Variants in SLC38A9 observed in about 807,000 individuals in gnomAD.
The protein encoded by SLC38A9 is neutral amino acid transporter 9.
A neutral mutation model predicts 62.3 loss-of-function variants in SLC38A9; 48 were observed. That is an observed-to-expected ratio of 0.77 (90% CI 0.61 to 0.98). The LOEUF (loss-of-function observed/expected upper bound fraction) is 0.98, where lower values mean the gene tolerates loss of function less well. SLC38A9 is among the 50% of genes least tolerant of loss of function. The pLI, the probability that SLC38A9 is intolerant of heterozygous loss-of-function variation, is 0.00. For synonymous variants in SLC38A9, 204 were observed against 227.7 expected (o/e 0.90, Z 0.94); for missense variants, 541 against 679.8 (o/e 0.80, Z 2.27).
At chr5:55,686,030 T>C (rs1753760482) in intron 3 of SLC38A9, among the ~76,000 whole-genome samples, 2 of 152,250 alleles carry the variant, frequency 1.3e-5, no homozygotes, top group African/African-American at 4.8e-5. Context: ...CTATCATTGA[T>C]GGGCCTTTTG....
chr5:55,680,049 C>A (rs1423727484), intron 3 of SLC38A9, among the ~76,000 whole-genome samples: 1 of 152,206 alleles, frequency 6.6e-6, no homozygotes, highest in East Asian at 1.9e-4. Context: ...CCCACCAGAA[C>A]AATTTCTGGA....
intron 3 of SLC38A9, chr5:55,696,078 C>A (rs1580400650): frequency 3.1e-5 from 2 of 64,488 alleles, no homozygotes; most frequent in Admixed American, 1.4e-4. Flanking sequence ...GGGGGCTGAC[C>A]CCCCCACCTC....
chr5:55,652,236 T>C (rs753104559), intron 10 of SLC38A9, among the ~76,000 whole-genome samples: 2 of 150,502 alleles, frequency 1.3e-5, no homozygotes, highest in South Asian at 2.1e-4. Flanking sequence ...CGCATACCTG[T>C]AATCCCAGCT....
At chr5:55,672,356 C>G (rs1355520102) in intron 4 of SLC38A9, among the ~76,000 whole-genome samples, 1 of 152,112 alleles carries the variant, frequency 6.6e-6, no homozygotes, top group African/African-American at 2.4e-5. Context: ...AGGTTGTTGT[C>G]AACATAGAAA....
Position 55,672,399 on chromosome 5 carries a change from C to T in SLC38A9, c.246+164G>A, listed in dbSNP as rs1005386950. 2.2e-4 allele frequency among the ~76,000 whole-genome samples: 34 copies of T among 152,116 alleles called. 1 individual carries two copies. Among genetic ancestry groups the T allele is most frequent in the Non-Finnish European group, 1.6e-4 (11 of 68,034 alleles). On this transcript the variant is annotated intron_variant, in intron 4 of 15. Coordinates refer to ENST00000396865, the MANE Select transcript of SLC38A9 (RefSeq NM_173514.4). ...TCAAATTTAGATAAGAATGAACTGGCCTGAGATGTAGGATGTGTGTTAATT... is the reference window on the plus strand; with the variant it reads ...TCAAATTTAGATAAGAATGAACTGGTCTGAGATGTAGGATGTGTGTTAATT...
intron 1 of SLC38A9, 54 bp from the exon 2 acceptor site, chr5:55,711,553 C>A (rs1287208963): frequency 1.3e-5 from 2 of 152,168 alleles, no homozygotes; most frequent in Non-Finnish European, 2.9e-5. Context: ...CCTCTTCCAG[C>A]TTTACTATGC....
At chr5:55,663,165 G>A (rs1444486194) in intron 8 of SLC38A9, among the ~76,000 whole-genome samples, 1 of 151,826 alleles carries the variant, frequency 6.6e-6, no homozygotes, top group Admixed American at 6.6e-5. Flanking sequence ...AAAGTGCTGC[G>A]ATTACAGGCG....
At position 55,655,288 on chromosome 5, in the gene SLC38A9, A is replaced by T. The variant is rs76053946; in HGVS notation, c.757+1427T>A. Among the ~76,000 whole-genome samples the T allele has an allele frequency of 6.2e-3, 951 of 152,238 alleles. 9 individuals are homozygous for T. Among genetic ancestry groups the T allele is most frequent in the African/African-American group, 0.022 (922 of 41,550 alleles). Reference sequence around the variant, plus strand: ...TGACTTTGCTGATGGGGTTCTCTAAATCATCAATGTGACTGTGATATTAAT... The same window carrying T: ...TGACTTTGCTGATGGGGTTCTCTAATTCATCAATGTGACTGTGATATTAAT... On this transcript the variant is annotated intron_variant, in intron 9 of 15. Transcript: ENST00000396865.
At chr5:55,677,963 T>TGTG (rs1561395903) in intron 3 of SLC38A9, among the ~76,000 whole-genome samples, 7 of 120,372 alleles carry the variant, frequency 5.8e-5, no homozygotes, top group African/African-American at 1.8e-4. Flanking sequence ...TGTGTGTGTG[T>TGTG]AGTGTGTTGG....
chr5:55,631,024 T>G (rs1743339680), intron 14 of SLC38A9, among the ~76,000 whole-genome samples: 1 of 151,938 alleles, frequency 6.6e-6, no homozygotes, highest in African/African-American at 2.4e-5. Flanking sequence ...TCCCAGCTAC[T>G]CGGGAGGCTG....
intron 10 of SLC38A9, among the ~76,000 whole-genome samples, chr5:55,650,614 T>C (rs1333262968): frequency 6.6e-6 from 1 of 152,190 alleles, no homozygotes; most frequent in Admixed American, 6.5e-5. Flanking sequence ...TCAGAAAGGA[T>C]GAAAACAGGA....
chr5:55,708,607 C>G (rs1476505309), intron 2 of SLC38A9, among the ~76,000 whole-genome samples: 1 of 152,142 alleles, frequency 6.6e-6, no homozygotes, highest in African/African-American at 2.4e-5. Flanking sequence ...ACTATGGACC[C>G]ACATACAACT....
chr5:55,641,117 G>A (rs1262213962), intron 12 of SLC38A9, among the ~76,000 whole-genome samples: 1 of 152,210 alleles, frequency 6.6e-6, no homozygotes, highest in Non-Finnish European at 1.5e-5. Context: ...TGGGATTACA[G>A]GCATGAGCCA....
intron 3 of SLC38A9, among the ~76,000 whole-genome samples, chr5:55,684,309 C>G (rs983654480): frequency 2.4e-4 from 36 of 152,126 alleles, no homozygotes; most frequent in African/African-American, 7.7e-4. Flanking sequence ...TAGTTTTTAG[C>G]AAGTTCCTGA....
chr5:55,669,143 T>C, intron 7 of SLC38A9, 85 bp downstream of exon 7: 1 of 835,048 alleles, frequency 1.2e-6, no homozygotes, highest in South Asian at 1.8e-5. Context: ...CTGACACACA[T>C]GTAGCATATA....
Position 55,669,259 on chromosome 5 carries a change from G to C in SLC38A9, c.495C>G (p.Cys165Trp). The C allele has an allele frequency of 6.2e-7, 1 of 1,612,974 alleles. No homozygotes were observed. Among genetic ancestry groups the C allele is most frequent in the Non-Finnish European group, 8.5e-7 (1 of 1,179,534 alleles). ...ILMGLLTLYC[C>W]YRVVKSRTMM... ...TAGTCCGTGATTTCACTACTCTGTA[G>C]CAGCAATAAAGTGTTAAAAGGCCCA... is the stretch of plus-strand genomic sequence containing the variant. The change falls in exon 7 of 16, where the codon TGC (cysteine) becomes TGG (tryptophan). Residue 165 changes from cysteine (C) to tryptophan (W), a missense_variant. Cys to Trp is a radical substitution (Grantham distance 215). Coordinates refer to ENST00000396865, the MANE Select transcript of SLC38A9 (RefSeq NM_173514.4).
At chr5:55,676,053 G>A (rs1241987615) in intron 3 of SLC38A9, among the ~76,000 whole-genome samples, 1 of 152,146 alleles carries the variant, frequency 6.6e-6, no homozygotes, top group Non-Finnish European at 1.5e-5. Context: ...TCAAGATAGT[G>A]GTCATCCCTA....
chr5:55,687,752 G>GC lies in SLC38A9; in HGVS notation c.113+10093dup, dbSNP rs376113135. 1.5e-3 allele frequency among the ~76,000 whole-genome samples: 228 copies of GC among 152,188 alleles called. 1 individual carries two copies. Among genetic ancestry groups the GC allele is most frequent in the Middle Eastern group, 0.014 (4 of 294 alleles). On this transcript the variant is annotated intron_variant, in intron 3 of 15. Transcript: ENST00000396865. ...GTCTCACTGTCGCCCAGGCTGGAGT[G>GC]CAGTGGCGTGATCTCAGCTCACTGC...
chr5:55,651,246 A>ATTTTTTTTTTT (rs1371252740), intron 10 of SLC38A9, among the ~76,000 whole-genome samples: 4 of 114,108 alleles, frequency 3.5e-5, no homozygotes, highest in Non-Finnish European at 3.5e-5. Context: ...TCCTTTTGCC[A>ATTTTTTTTTTT]TCTTTTTTTT....
Sources: allele counts gnomAD v4.1 joint callset (sites outside exome capture counted in the v4.1 genomes callset), GRCh38; gene constraint gnomAD v4.1.1; transcripts MANE v1.5; gene names NCBI Gene and HGNC (gene_info 2026-07-23, HGNC 2026-07-21).